The following MUSK variants were observed in gnomAD, a reference collection of about 807,000 sequenced individuals.
The protein encoded by MUSK is muscle, skeletal receptor tyrosine-protein kinase.
In MUSK, 55 loss-of-function variants were observed where a neutral mutation model predicts 88.7. The observed-to-expected ratio is 0.62, with a 90% confidence interval of 0.50 to 0.78. The LOEUF (loss-of-function observed/expected upper bound fraction) is 0.78, where lower values mean the gene tolerates loss of function less well. Among genes scored for constraint, MUSK ranks in the 30% least tolerant of loss-of-function variants. The pLI, the probability that MUSK is intolerant of heterozygous loss-of-function variation, is 0.00. For synonymous variants in MUSK, 387 were observed against 391.9 expected (o/e 0.99, Z 0.15); for missense variants, 1,015 against 1,074.3 (o/e 0.94, Z 0.77).
chr9:110,697,178 T>C, intron 4 of MUSK, 147 bp from the exon 5 acceptor site: 1 of 753,056 alleles, frequency 1.3e-6, no homozygotes, highest in Non-Finnish European at 2.2e-6. Flanking sequence ...TTTAATATTG[T>C]ATGTTTTACA....
chr9:110,694,394 AAAAAAAAAAAAAC>A (rs1313266777), intron 3 of MUSK, among the ~76,000 whole-genome samples: 6 of 144,864 alleles, frequency 4.1e-5, no homozygotes, highest in Non-Finnish European at 6.0e-5. Flanking sequence ...TCAAAAAAAA[AAAAAAAAAAAAAC>A]AAAAAAACAA....
intron 8 of MUSK, among the ~76,000 whole-genome samples, chr9:110,764,027 A>G (rs906757454): frequency 5.3e-5 from 8 of 152,192 alleles, no homozygotes; most frequent in African/African-American, 1.9e-4. Context: ...TGCCTCTACA[A>G]GAAAGGGAAC....
At chr9:110,759,510 A>G (rs1367162037) in intron 7 of MUSK, among the ~76,000 whole-genome samples, 1 of 152,248 alleles carries the variant, frequency 6.6e-6, no homozygotes, top group African/African-American at 2.4e-5. Context: ...ACATAGCAAA[A>G]GAAACTATCA....
chr9:110,747,923 T>C, intron 7 of MUSK, 123 bp downstream of exon 7: 7 of 1,312,902 alleles, frequency 5.3e-6, no homozygotes, highest in Non-Finnish European at 7.6e-6. Context: ...GCATTTGGGC[T>C]ATTTCCTCCC....
chr9:110,689,275 A>C (rs1349271369), intron 3 of MUSK, among the ~76,000 whole-genome samples: 1 of 118,872 alleles, frequency 8.4e-6, no homozygotes, highest in African/African-American at 3.5e-5. Context: ...GTATAGTTAT[A>C]TTTATATATA....
chr9:110,689,099 T>C (rs1280645041), intron 3 of MUSK, among the ~76,000 whole-genome samples: 2 of 136,994 alleles, frequency 1.5e-5, no homozygotes, highest in South Asian at 2.2e-4. Context: ...TACATTTAAA[T>C]ATATAGTTTT....
chr9:110,782,357 A>C (rs1285190083), intron 11 of MUSK, among the ~76,000 whole-genome samples: 2 of 152,226 alleles, frequency 1.3e-5, no homozygotes, highest in Admixed American at 1.3e-4. Context: ...ATAACAAAAC[A>C]AAACTATCTT....
At chr9:110,735,560 T>C (rs897495939) in intron 6 of MUSK, among the ~76,000 whole-genome samples, 2 of 151,778 alleles carry the variant, frequency 1.3e-5, no homozygotes, top group African/African-American at 2.4e-5. Flanking sequence ...GGAAAGGTAG[T>C]GGGGAAGGGA....
intron 2 of MUSK, among the ~76,000 whole-genome samples, chr9:110,685,603 C>A (rs955872816): frequency 6.6e-6 from 1 of 152,150 alleles, no homozygotes; most frequent in African/African-American, 2.4e-5. Context: ...AGTTCTCTGT[C>A]CTGCATAACA....
Position 110,802,317 on chromosome 9 carries a change from A to T in MUSK, c.*1329A>T, listed in dbSNP as rs1004502003. ...ACACAATACATCTTTATCTAAGTCC[A>T]TACATGATCTGAGTTTATTTCTGAT... On this transcript the variant is annotated 3_prime_UTR_variant, in exon 15 of 15. Transcript: ENST00000374448. 6.6e-6 allele frequency among the ~76,000 whole-genome samples: 1 copy of T among 152,152 alleles called. No homozygotes were observed. Among genetic ancestry groups the T allele is most frequent in the Non-Finnish European group, 1.5e-5 (1 of 68,024 alleles).
chr9:110,675,382 C>T (rs866346202), intron 1 of MUSK, among the ~76,000 whole-genome samples: 7 of 150,742 alleles, frequency 4.6e-5, no homozygotes, highest in African/African-American at 1.7e-4. Context: ...CCACCACGCC[C>T]GGCTAATTTT....
At chr9:110,761,515 C>CT (rs900006005) in intron 7 of MUSK, among the ~76,000 whole-genome samples, 5 of 135,996 alleles carry the variant, frequency 3.7e-5, no homozygotes, top group African/African-American at 1.4e-4. Flanking sequence ...CTTCTTTTTT[C>CT]TTTTTTTCCA....
At chr9:110,736,523 T>C (rs1002523114) in intron 6 of MUSK, among the ~76,000 whole-genome samples, 5 of 151,788 alleles carry the variant, frequency 3.3e-5, no homozygotes, top group South Asian at 2.1e-4. Context: ...TAGTGGGGAG[T>C]AAGCAAAGGG....
intron 5 of MUSK, among the ~76,000 whole-genome samples, chr9:110,709,654 C>T (rs2076643595): frequency 6.6e-6 from 1 of 152,144 alleles, no homozygotes; most frequent in South Asian, 2.1e-4. Context: ...CGCACTTGTG[C>T]AGACAATTAT....
chr9:110,709,787 T>C (rs1414507284), intron 5 of MUSK, among the ~76,000 whole-genome samples: 1 of 152,162 alleles, frequency 6.6e-6, no homozygotes, highest in Non-Finnish European at 1.5e-5. Flanking sequence ...AAAAGAATAA[T>C]AACCAACTTT....
chr9:110,689,926 T>G (rs1173238962), intron 3 of MUSK, among the ~76,000 whole-genome samples: 1 of 96,592 alleles, frequency 1.0e-5, no homozygotes, highest in Non-Finnish European at 1.8e-5. Context: ...CATATTTAAA[T>G]ATAATATATA....
rs368458351 is a variant in MUSK at position 110,681,093 on chromosome 9, ATT to A, written c.80-1580_80-1579del. On this transcript the variant is annotated intron_variant, in intron 1 of 14. Transcript: ENST00000374448. ...ATATTATATATATTATATAATATAT[ATT>A]ATATAATATATATTATATATAATAT... 7.4e-3 allele frequency among the ~76,000 whole-genome samples: 73 copies of A among 9,804 alleles called. 8 individuals are homozygous for A. The highest frequency in any genetic ancestry group is 0.031 in the African/African-American group (49 of 1,604). The allele number at this position is 9,804 out of a possible 152,430, so 6.4% of individuals were successfully genotyped here.
chr9:110,674,260 A>G (rs1431355997), intron 1 of MUSK, among the ~76,000 whole-genome samples: 2 of 152,230 alleles, frequency 1.3e-5, no homozygotes, highest in Non-Finnish European at 2.9e-5. Flanking sequence ...GACACATTAC[A>G]GATAACCTCA....
In MUSK at chr9:110,787,361, CAA is replaced by C. The variant is rs10659550; in HGVS notation, c.1779-309_1779-308del. ...TGGATGACAGAGTGAGACTCTGTCT[CAA>C]AAAAAAAAAAAAAAAAAAAGGTTAG... is the stretch of plus-strand genomic sequence containing the variant. On this transcript the variant is annotated intron_variant, in intron 13 of 14. Transcript: ENST00000374448. Among the ~76,000 whole-genome samples the C allele has an allele frequency of 0.44, 39,439 of 89,382 alleles. 5,111 individuals are homozygous for C. The highest frequency in any genetic ancestry group is 0.6 in the Middle Eastern group (77 of 128). The allele number at this position is 89,382 out of a possible 152,430, so 58.6% of individuals were successfully genotyped here.
Sources: gnomAD v4.1 joint callset for allele counts (sites outside exome capture counted in the v4.1 genomes callset) on GRCh38, gnomAD v4.1.1 for gene constraint, MANE v1.5 for transcripts, NCBI Gene and HGNC (gene_info 2026-07-23, HGNC 2026-07-21) for gene names.